The following SGMS1 variants were observed in gnomAD, a reference collection of about 807,000 sequenced individuals.
SGMS1 encodes phosphatidylcholine:ceramide cholinephosphotransferase 1.
In SGMS1, 13 loss-of-function variants were observed where a neutral mutation model predicts 46.2. The observed-to-expected ratio is 0.28, with a 90% CI of 0.18 to 0.45. The LOEUF is 0.45. SGMS1 is among the 20% of genes least tolerant of loss of function. The pLI is 1.00. For missense variants in SGMS1, 324 were observed against 519.9 expected (o/e 0.62, Z 3.66); for synonymous variants, 203 against 187.8 (o/e 1.08, Z -0.66).
At chr10:50,354,631 A>T (rs1286384303) in intron 6 of SGMS1, among the ~76,000 whole-genome samples, 1 of 152,206 alleles carries the variant, frequency 6.6e-6, no homozygotes, top group Non-Finnish European at 1.5e-5. Context: ...CAGCAAAAGA[A>T]ACTACCATCA....
chr10:50,525,572 C>T (rs1466663515), intron 2 of SGMS1, among the ~76,000 whole-genome samples: 1 of 152,034 alleles, frequency 6.6e-6, no homozygotes, highest in Non-Finnish European at 1.5e-5. Context: ...TCAAAGTTAT[C>T]AATGCTGGGC....
intron 5 of SGMS1, among the ~76,000 whole-genome samples, chr10:50,449,781 G>A (rs1363031657): frequency 1.3e-5 from 2 of 151,788 alleles, no homozygotes; most frequent in Non-Finnish European, 2.9e-5. Flanking sequence ...TAGCATACAT[G>A]TATTTTCCTT....
chr10:50,596,762 C>G (rs183846527), intron 1 of SGMS1, among the ~76,000 whole-genome samples: 7 of 152,316 alleles, frequency 4.6e-5, no homozygotes, highest in Admixed American at 3.3e-4. Context: ...AGATCTCCTG[C>G]TCAGCATGTT....
At chr10:50,525,418 G>A (rs1837892563) in intron 2 of SGMS1, among the ~76,000 whole-genome samples, 1 of 152,152 alleles carries the variant, frequency 6.6e-6, no homozygotes, top group Non-Finnish European at 1.5e-5. Context: ...GCCTCATGAA[G>A]AGCAAGGCAG....
intron 5 of SGMS1, among the ~76,000 whole-genome samples, chr10:50,451,823 T>G (rs1837113492): frequency 6.6e-6 from 1 of 152,232 alleles, no homozygotes; most frequent in Non-Finnish European, 1.5e-5. Context: ...ATCTGCACAC[T>G]GCACATTTAA....
intron 6 of SGMS1, among the ~76,000 whole-genome samples, chr10:50,362,107 G>A (rs1196974681): frequency 1.3e-5 from 2 of 152,176 alleles, no homozygotes; most frequent in Non-Finnish European, 2.9e-5. Flanking sequence ...CTAATTAAAT[G>A]AGAATGCAAA....
At chr10:50,381,266 A>G (rs1027276353) in intron 6 of SGMS1, among the ~76,000 whole-genome samples, 1 of 151,988 alleles carries the variant, frequency 6.6e-6, no homozygotes, top group East Asian at 1.9e-4. Context: ...CAGTGTTCTA[A>G]AAGAAAAAAA....
chr10:50,565,076 C>T (rs1410197766), intron 2 of SGMS1, among the ~76,000 whole-genome samples: 1 of 152,130 alleles, frequency 6.6e-6, no homozygotes, highest in Admixed American at 6.5e-5. Context: ...CAATGGACTT[C>T]AAACTTTTTT....
chr10:50,402,131 T>C (rs1848948716), intron 6 of SGMS1, among the ~76,000 whole-genome samples: 6 of 103,358 alleles, frequency 5.8e-5, no homozygotes, highest in Admixed American at 5.5e-4. Context: ...AAAAGCCTAA[T>C]TAATGGCATC....
At chr10:50,406,588 C>G (rs1849018455) in intron 6 of SGMS1, among the ~76,000 whole-genome samples, 1 of 152,166 alleles carries the variant, frequency 6.6e-6, no homozygotes, top group Non-Finnish European at 1.5e-5. Context: ...CTTGGATCCT[C>G]TATCTCAGCC....
At chr10:50,502,732 G>T (rs1837672354) in intron 3 of SGMS1, among the ~76,000 whole-genome samples, 1 of 152,120 alleles carries the variant, frequency 6.6e-6, no homozygotes, top group Admixed American at 6.6e-5. Flanking sequence ...TATTTATGTG[G>T]ATGCCCTCAA....
chr10:50,478,860 A>C (rs1386116072), intron 3 of SGMS1, among the ~76,000 whole-genome samples: 3 of 152,116 alleles, frequency 2.0e-5, no homozygotes, highest in African/African-American at 7.2e-5. Flanking sequence ...TGTTGTAACC[A>C]CATAGTGTAC....
intron 2 of SGMS1, among the ~76,000 whole-genome samples, chr10:50,563,132 C>T (rs1052990912): frequency 6.6e-6 from 1 of 152,194 alleles, no homozygotes; most frequent in African/African-American, 2.4e-5. Flanking sequence ...CAGATGCTGG[C>T]TTCCTGTTAG....
intron 7 of SGMS1, among the ~76,000 whole-genome samples, chr10:50,332,606 T>A (rs1329628962): frequency 6.7e-6 from 1 of 149,698 alleles, no homozygotes; most frequent in Non-Finnish European, 1.5e-5. Context: ...CTCCTTTTTT[T>A]AAGTCTTTTT....
chr10:50,553,712 A>G (rs2133835878), intron 2 of SGMS1, among the ~76,000 whole-genome samples: 1 of 152,274 alleles, frequency 6.6e-6, no homozygotes, highest in Non-Finnish European at 1.5e-5. Flanking sequence ...TAGCTCCAAG[A>G]CATGTGCTTC....
intron 6 of SGMS1, among the ~76,000 whole-genome samples, chr10:50,407,071 G>T (rs1324188277): frequency 6.6e-6 from 1 of 152,016 alleles, no homozygotes; most frequent in Non-Finnish European, 1.5e-5. Context: ...TGCAGTTTCT[G>T]CTCCCAGACT....
At chr10:50,341,441 C>T (rs940571928) in intron 7 of SGMS1, 1 of 455,858 alleles carries the variant, frequency 2.2e-6, no homozygotes, top group African/African-American at 2.0e-5. Flanking sequence ...ATCCCTATCC[C>T]GCCAGAGGTG....
chr10:50,590,342 G>T (rs960889599), intron 1 of SGMS1, 95 bp from the exon 2 acceptor site: 12 of 152,116 alleles, frequency 7.9e-5, no homozygotes, highest in Non-Finnish European at 1.8e-4. Flanking sequence ...TATATGATAA[G>T]CCTCTAAATT....
intron 2 of SGMS1, among the ~76,000 whole-genome samples, chr10:50,567,563 G>T (rs1395076315): frequency 6.6e-6 from 1 of 152,212 alleles, no homozygotes; most frequent in Non-Finnish European, 1.5e-5. Flanking sequence ...CGAGGAACAG[G>T]CTCCAAGCAG....
Sources: gnomAD v4.1 joint callset for allele counts (sites outside exome capture counted in the v4.1 genomes callset) on GRCh38, gnomAD v4.1.1 for gene constraint, MANE v1.5 for transcripts, NCBI Gene and HGNC (gene_info 2026-07-23, HGNC 2026-07-21) for gene names.